DDX50: variants seen among roughly 807,000 people sequenced by gnomAD.
DDX50 encodes DExD-box helicase 50, also known as ATP-dependent RNA helicase DDX50.
DDX50 carries 56 observed loss-of-function variants against 94.8 expected under a neutral mutation model. That is an observed-to-expected ratio of 0.59 (90% confidence interval 0.48 to 0.74). The LOEUF (loss-of-function observed/expected upper bound fraction) is 0.74. Ranked by LOEUF, DDX50 falls within the 30% of genes least tolerant of loss-of-function variation. The pLI, the probability that DDX50 is intolerant of heterozygous loss-of-function variation, is 0.00. For missense variants in DDX50, 713 were observed against 881.2 expected (o/e 0.81, Z 2.42); for synonymous variants, 264 against 295.4 (o/e 0.89, Z 1.09).
chr10:68,934,054 T>C lies in DDX50; in HGVS notation c.1240-145T>C. On this transcript the variant is annotated intron_variant, in intron 8 of 14. Coordinates refer to ENST00000373585, the MANE Select transcript of DDX50 (RefSeq NM_024045.2). This position sits in a 1 kb window ranked among gnomAD's most constrained non-coding sequence, Gnocchi z 4.0. Reference sequence around the variant, plus strand: ...TTAAATATTTTCTGTCATGTTTGACTTTTTTTTTTTACAGTAAGCATGCAT... The same window carrying C: ...TTAAATATTTTCTGTCATGTTTGACCTTTTTTTTTTACAGTAAGCATGCAT... 1 of 264,904 alleles carries C rather than the reference T, an allele frequency of 3.8e-6. No homozygotes were observed. Among genetic ancestry groups the C allele is most frequent in the Non-Finnish European group, 5.9e-6 (1 of 168,348 alleles). 16.4% of individuals were successfully genotyped at this position (264,904 alleles called of 1,614,324 possible).
At chr10:68,914,322 C>G in intron 7 of DDX50, 118 bp downstream of exon 7, 1 of 1,056,292 alleles carries the variant, frequency 9.5e-7, no homozygotes, top group Non-Finnish European at 1.4e-6. Context: ...CTTTTCTGCT[C>G]TTAGTAAGAC....
In DDX50 at chr10:68,946,446, G is replaced by C. The variant is rs1408880915; in HGVS notation, c.2030G>C (p.Arg677Thr). Residue 677 changes from arginine (R) to threonine (T), a missense_variant, in exon 15 of 15, where the codon AGA becomes ACA. Around this residue, in one of 2 missense-constraint regions of DDX50, gnomAD observed 428 missense variants for 602.3 expected, o/e 0.71. Transcript: ENST00000373585. ...GATGGAAACACATCTTCTAATTCCA[G>C]ACAGAGGAGTGGCTGGTCAAGTGGT... Reference protein sequence around the residue: ...YYDGNTSSNSRQRSGWSSGRS... With the variant: ...YYDGNTSSNSTQRSGWSSGRS... The C allele has an allele frequency of 6.2e-7, 1 of 1,614,248 alleles. No individual in the cohort carries two copies.
rs965558484 is a variant in DDX50 at position 68,901,422 on chromosome 10, T to C, written c.38T>C (p.Leu13Pro). Residue 13 changes from leucine (L) to proline (P), a missense_variant, in exon 1 of 15, where the codon CTG becomes CCG. Physicochemically the swap from Leu to Pro is moderately conservative, Grantham distance 98. Transcript: ENST00000373585. Reference protein sequence around the residue: ...GKLLWGDIMELEAPLEESESQ... With the variant: ...GKLLWGDIMEPEAPLEESESQ... The stretch of plus-strand genomic sequence containing the variant: ...CTCCTCTGGGGGGACATTATGGAGC[T>C]GGAAGCACCCTTGGAGGAGTCCGAG... The C allele has an allele frequency of 1.3e-6, 2 of 1,575,280 alleles. No individual in the cohort carries two copies. The highest frequency in any genetic ancestry group is 3.7e-5 in the Admixed American group (2 of 54,120).
At position 68,919,945 on chromosome 10, in the gene DDX50, T is replaced by C; in HGVS notation, c.1203T>C (p.Asn401=). 6.2e-7 allele frequency: 1 copy of C among 1,614,208 alleles called. No homozygotes were observed. Among genetic ancestry groups the C allele is most frequent in the Admixed American group, 1.7e-5 (1 of 60,004 alleles). ...TTATTTTCTGTGAGACCAAGAAGAA[T>C]GTAACTGAAATGGCCATGAATCCAC... ...RAIIFCETKK[N]VTEMAMNPHI... The change falls in exon 8 of 15, where the codon AAT becomes AAC. Residue 401 remains asparagine (N), a synonymous_variant. Coordinates refer to ENST00000373585, the MANE Select transcript of DDX50 (RefSeq NM_024045.2).
At position 68,913,634 on chromosome 10, in the gene DDX50, C is replaced by T. The variant is rs937159436; in HGVS notation, c.943+58C>T. 37 of 1,500,950 alleles carry T rather than the reference C, an allele frequency of 2.5e-5. 1 individual carries two copies. The Middle Eastern group carries it at 1.1e-3, about 43-fold the overall frequency. The allele number at this position is 1,500,950 out of a possible 1,614,324, so 93.0% of individuals were successfully genotyped here. A position where few individuals can be genotyped will look rare whatever the true frequency, so the allele number is the denominator to read the frequency against. Reference sequence around the variant, plus strand: ...ATTATTGTTCGATCTTAAATGCAAACGAGTTTTTATTTAATAATTTTTATT... The same window carrying T: ...ATTATTGTTCGATCTTAAATGCAAATGAGTTTTTATTTAATAATTTTTATT... On this transcript the variant is annotated intron_variant, in intron 6 of 14. Coordinates refer to ENST00000373585, the MANE Select transcript of DDX50 (RefSeq NM_024045.2).
chr10:68,932,260 T>C (rs1427688189), intron 8 of DDX50, among the ~76,000 whole-genome samples: 4 of 152,308 alleles, frequency 2.6e-5, no homozygotes, highest in East Asian at 1.9e-4. Flanking sequence ...AAATTACTGT[T>C]ATGAACTTCT....
intron 3 of DDX50, 62 bp from the exon 4 acceptor site, chr10:68,911,006 T>A (rs1484867865): frequency 1.2e-5 from 15 of 1,227,228 alleles, no homozygotes; most frequent in African/African-American, 3.1e-5. Flanking sequence ...CATTTTCAAA[T>A]GAATATATTT....
At chr10:68,902,143 G>T (rs200373905) in intron 1 of DDX50, among the ~76,000 whole-genome samples, 3 of 140,134 alleles carry the variant, frequency 2.1e-5, no homozygotes, top group Non-Finnish European at 3.0e-5. Context: ...CTCTCAAGGA[G>T]CCTGTAGAGG....
At chr10:68,923,716 G>A (rs1842002419) in intron 8 of DDX50, among the ~76,000 whole-genome samples, 1 of 151,452 alleles carries the variant, frequency 6.6e-6, no homozygotes, top group South Asian at 2.1e-4. Flanking sequence ...GCTAATTTTT[G>A]TATATTTAGT....
At chr10:68,912,879 T>A (rs1369473226) in intron 4 of DDX50, among the ~76,000 whole-genome samples, 1 of 152,110 alleles carries the variant, frequency 6.6e-6, no homozygotes, top group Admixed American at 6.6e-5. Flanking sequence ...AAGTAAAATA[T>A]CAGTATCTTA....
intron 2 of DDX50, 104 bp downstream of exon 2, chr10:68,907,111 G>C (rs1304833508): frequency 8.7e-7 from 1 of 1,155,792 alleles, no homozygotes; most frequent in Non-Finnish European, 1.2e-6. Context: ...TTCTTGATTA[G>C]TGTCTAGTAT....
Position 68,906,359 on chromosome 10 carries a change from AT to A in DDX50, c.88-343del, listed in dbSNP as rs1257525502. 24 of 224,506 alleles carry A rather than the reference AT, an allele frequency of 1.1e-4. No homozygotes were observed. In the South Asian group the frequency reaches 1.1e-3, roughly 10 times the overall value. The allele number at this position is 224,506 out of a possible 1,614,324, so 13.9% of individuals were successfully genotyped here. On this transcript the variant is annotated intron_variant, in intron 1 of 14. Transcript: ENST00000373585. ...CTGGGTAGGTATTCAATAAGTATTA[AT>A]TTTTTTTTCTCTTGGAAATGTTGGA...
intron 4 of DDX50, among the ~76,000 whole-genome samples, chr10:68,912,489 C>G (rs1841656110): frequency 6.6e-6 from 1 of 152,154 alleles, no homozygotes; most frequent in African/African-American, 2.4e-5. Context: ...GTTGGGATTA[C>G]AGGTGTGAGC....
intron 2 of DDX50, among the ~76,000 whole-genome samples, chr10:68,909,269 A>G (rs1841557346): frequency 6.6e-6 from 1 of 152,206 alleles, no homozygotes; most frequent in Non-Finnish European, 1.5e-5. Context: ...GTTTCTTTAA[A>G]CACATGAACA....
intron 8 of DDX50, among the ~76,000 whole-genome samples, chr10:68,926,049 G>A (rs1485422953): frequency 2.1e-5 from 3 of 143,642 alleles, no homozygotes; most frequent in African/African-American, 2.6e-5. Flanking sequence ...GTGGTGGCAC[G>A]TTCCTGTATT....
At chr10:68,907,044 T>G (rs1460953774) in intron 2 of DDX50, 37 bp downstream of exon 2, 1 of 1,553,228 alleles carries the variant, frequency 6.4e-7, no homozygotes, top group Non-Finnish European at 8.6e-7. Flanking sequence ...GACATTGTTG[T>G]TGAACTATAG....
chr10:68,943,130 C>T, intron 13 of DDX50, 83 bp from the exon 14 acceptor site: 1 of 1,217,642 alleles, frequency 8.2e-7, no homozygotes, highest in Admixed American at 2.1e-5. Context: ...TAAGCAGCCA[C>T]TGAGTCATGC....
chr10:68,917,344 C>G (rs546166767), intron 7 of DDX50, among the ~76,000 whole-genome samples: 2 of 152,110 alleles, frequency 1.3e-5, no homozygotes, highest in South Asian at 2.1e-4. Context: ...CCTGTAGTCC[C>G]AGCTACTTGG....
chr10:68,935,190 T>C (rs1265470254), intron 10 of DDX50, among the ~76,000 whole-genome samples: 5 of 14,526 alleles, frequency 3.4e-4, no homozygotes, highest in African/African-American at 2.9e-3. Flanking sequence ...CAGTACTTCT[T>C]AGTGTAAATG....
Sources: allele counts gnomAD v4.1 joint callset (sites outside exome capture counted in the v4.1 genomes callset), GRCh38; gene constraint gnomAD v4.1.1; regional missense constraint gnomAD v4.1.1; non-coding constraint Gnocchi (gnomAD v3.1); transcripts MANE v1.5; gene names NCBI Gene and HGNC (gene_info 2026-07-23, HGNC 2026-07-21).